IQGAP1: variants seen among roughly 807,000 people sequenced by gnomAD.
The protein encoded by IQGAP1 is ras GTPase-activating-like protein IQGAP1.
IQGAP1 carries 66 observed loss-of-function variants against 215.6 expected under a neutral mutation model. The observed-to-expected ratio is 0.31, with a 90% CI of 0.25 to 0.38. The LOEUF (loss-of-function observed/expected upper bound fraction) is 0.38. Ranked by LOEUF, IQGAP1 falls within the 10% of genes least tolerant of loss-of-function variation. IQGAP1 has a pLI of 1.00. For missense variants in IQGAP1, 1,712 were observed against 1,997.1 expected (o/e 0.86, Z 2.72); for synonymous variants, 772 against 728.7 (o/e 1.06, Z -0.96).
intron 2 of IQGAP1, among the ~76,000 whole-genome samples, chr15:90,425,043 C>T (rs1196204368): frequency 1.3e-5 from 2 of 151,980 alleles, no homozygotes; most frequent in Non-Finnish European, 2.9e-5. Context: ...GGTCCAGTGG[C>T]TCACACCTGT....
At chr15:90,443,242 T>G in intron 8 of IQGAP1, 152 bp from the exon 9 acceptor site, 1 of 507,090 alleles carries the variant, frequency 2.0e-6, no homozygotes, top group Non-Finnish European at 3.5e-6. Flanking sequence ...ATTACAGGCA[T>G]GAGTTACTGT....
intron 5 of IQGAP1, among the ~76,000 whole-genome samples, chr15:90,437,184 C>T (rs1965382072): frequency 6.6e-6 from 1 of 152,132 alleles, no homozygotes; most frequent in Non-Finnish European, 1.5e-5. Flanking sequence ...TGGGGAGGTG[C>T]TTACATACTT....
At chr15:90,476,893 C>A in intron 24 of IQGAP1, 75 bp downstream of exon 24, 1 of 1,504,706 alleles carries the variant, frequency 6.6e-7, no homozygotes, top group Non-Finnish European at 9.0e-7. Flanking sequence ...TACCATCGAT[C>A]TCTCTGGAAG....
rs1023266551 is a variant in IQGAP1 at position 90,484,372 on chromosome 15, T to G, written c.3921+20T>G. 4 of 1,593,068 alleles carry G rather than the reference T, an allele frequency of 2.5e-6. No homozygotes were observed. The African/African-American group carries it at 5.4e-5, about 21-fold the overall frequency. ...CACACTGTAAGTATTTTTCTTTAATTACTTAATTTCATTGTCCTTAATTAT... is the reference window on the plus strand; with the variant it reads ...CACACTGTAAGTATTTTTCTTTAATGACTTAATTTCATTGTCCTTAATTAT... On this transcript the variant is annotated intron_variant, in intron 30 of 37. Transcript: ENST00000268182.
chr15:90,433,275 C>CT (rs1171150176), intron 4 of IQGAP1, among the ~76,000 whole-genome samples: 15 of 152,030 alleles, frequency 9.9e-5, no homozygotes, highest in Admixed American at 9.8e-4. Flanking sequence ...AACTAAAGCA[C>CT]TTAGTAAATG....
chr15:90,462,460 G>A (rs1311210473), intron 15 of IQGAP1, among the ~76,000 whole-genome samples: 2 of 152,146 alleles, frequency 1.3e-5, no homozygotes, highest in African/African-American at 2.4e-5. Flanking sequence ...CTTATGTTGT[G>A]TAGTTGATAA....
intron 23 of IQGAP1, 103 bp downstream of exon 23, chr15:90,474,796 C>T: frequency 1.2e-6 from 1 of 852,314 alleles, no homozygotes; most frequent in Non-Finnish European, 1.9e-6. Context: ...TGACTTTCTC[C>T]TCAGCTACTG....
At position 90,482,274 on chromosome 15, in the gene IQGAP1, T is replaced by A; in HGVS notation, c.3548T>A (p.Leu1183Gln). 6.2e-7 allele frequency: 1 copy of A among 1,614,190 alleles called. No homozygotes were observed. Among genetic ancestry groups the A allele is most frequent in the Non-Finnish European group, 8.5e-7 (1 of 1,179,996 alleles). Residue 1183 changes from leucine to glutamine, a missense_variant, in exon 28 of 38, where the codon CTG (leucine) becomes CAG (glutamine). By Grantham distance (113) the Leu-to-Gln change is moderately radical. Coordinates refer to ENST00000268182, the MANE Select transcript of IQGAP1 (RefSeq NM_003870.4). Reference sequence around the variant, plus strand: ...TTCCCTGATGCTGGTGAGGATGAGCTGCTGAAGGTAAGAATCTCATAGCCG... The same window carrying A: ...TTCCCTGATGCTGGTGAGGATGAGCAGCTGAAGGTAAGAATCTCATAGCCG... ...EKFPDAGEDE[L>Q]LKIIGNLLYY...
chr15:90,480,168 CGCTTGAGCCCAGGA>C (rs1966036889), intron 26 of IQGAP1, among the ~76,000 whole-genome samples: 2 of 148,712 alleles, frequency 1.3e-5, no homozygotes, highest in Non-Finnish European at 3.0e-5. Flanking sequence ...ACAGGAAGAT[CGCTTGAGCCCAGGA>C]GTTTGAGCAC....
intron 15 of IQGAP1, among the ~76,000 whole-genome samples, chr15:90,463,700 T>C (rs958366251): frequency 6.6e-6 from 1 of 152,234 alleles, no homozygotes; most frequent in Non-Finnish European, 1.5e-5. Context: ...ATCTGTTTAC[T>C]CTTTCCCTTT....
At chr15:90,422,624 A>G (rs62020695) in intron 2 of IQGAP1, among the ~76,000 whole-genome samples, 9 of 85,720 alleles carry the variant, frequency 1.0e-4, no homozygotes, top group African/African-American at 3.0e-4. Flanking sequence ...ATATATATAT[A>G]TGTATATATA....
At chr15:90,470,942 A>G (rs1260265854) in intron 18 of IQGAP1, among the ~76,000 whole-genome samples, 8 of 151,952 alleles carry the variant, frequency 5.3e-5, no homozygotes, top group African/African-American at 1.7e-4. Context: ...CTTGAATTAT[A>G]CAAAGAGTCC....
intron 37 of IQGAP1, among the ~76,000 whole-genome samples, chr15:90,499,723 T>G (rs1226525629): frequency 6.6e-6 from 1 of 152,230 alleles, no homozygotes; most frequent in East Asian, 1.9e-4. Flanking sequence ...CCATGTATGA[T>G]GAATTTTGAT....
At chr15:90,432,099 A>C (rs541798289) in intron 4 of IQGAP1, among the ~76,000 whole-genome samples, 62 of 152,296 alleles carry the variant, frequency 4.1e-4, no homozygotes, top group African/African-American at 1.5e-3. Flanking sequence ...AGACTTGCTG[A>C]CATAAGATAA....
At chr15:90,417,311 G>A (rs1440343712) in intron 2 of IQGAP1, among the ~76,000 whole-genome samples, 1 of 152,088 alleles carries the variant, frequency 6.6e-6, no homozygotes, top group Non-Finnish European at 1.5e-5. Context: ...GTATTGCCTA[G>A]GTTTTCTTCT....
intron 2 of IQGAP1, among the ~76,000 whole-genome samples, chr15:90,397,231 C>G (rs1477717548): frequency 2.0e-5 from 3 of 152,098 alleles, no homozygotes; most frequent in Non-Finnish European, 2.9e-5. Context: ...TCATGTGGCT[C>G]TATATTCTCA....
chr15:90,464,839 G>A (rs1965808967), intron 15 of IQGAP1, among the ~76,000 whole-genome samples: 2 of 149,358 alleles, frequency 1.3e-5, no homozygotes, highest in African/African-American at 2.5e-5. Flanking sequence ...GTGACAGAGC[G>A]AGACTCTGTC....
At chr15:90,453,832 G>A (rs1965641804) in intron 13 of IQGAP1, among the ~76,000 whole-genome samples, 1 of 152,066 alleles carries the variant, frequency 6.6e-6, no homozygotes. Flanking sequence ...TCACGATTCA[G>A]TTCAACATTT....
chr15:90,474,954 C>A, intron 23 of IQGAP1: 1 of 434,312 alleles, frequency 2.3e-6, no homozygotes, highest in South Asian at 3.0e-5. Context: ...GGATTACAGG[C>A]ACGTGACACT....
Sources: allele counts gnomAD v4.1 joint callset (sites outside exome capture counted in the v4.1 genomes callset), GRCh38; gene constraint gnomAD v4.1.1; transcripts MANE v1.5; gene names NCBI Gene and HGNC (gene_info 2026-07-23, HGNC 2026-07-21).